The following SLC25A13 variants were observed in gnomAD, a reference collection of about 807,000 sequenced individuals.
SLC25A13 encodes solute carrier family 25 member 13.
SLC25A13 carries 70 observed loss-of-function variants against 85.5 expected under a neutral mutation model. That is an observed-to-expected ratio of 0.82 (90% CI 0.68 to 1.00). The LOEUF is 1.00. Ranked by LOEUF, SLC25A13 falls within the 50% of genes least tolerant of loss-of-function variation. The pLI is 0.00. For missense variants in SLC25A13, 765 were observed against 819.8 expected (o/e 0.93, Z 0.82); for synonymous variants, 259 against 288.7 (o/e 0.90, Z 1.04).
chr7:96,302,244 T>C (rs201383592), intron 1 of SLC25A13, among the ~76,000 whole-genome samples: 2 of 152,108 alleles, frequency 1.3e-5, no homozygotes, highest in East Asian at 3.9e-4. Flanking sequence ...GGGGAGAACA[T>C]GGCAAGAAGA....
chr7:96,240,140 A>G (rs1036833066), intron 3 of SLC25A13, among the ~76,000 whole-genome samples: 1 of 146,736 alleles, frequency 6.8e-6, no homozygotes, highest in African/African-American at 2.5e-5. Context: ...GAAATATAAT[A>G]GAGAATACAG....
intron 4 of SLC25A13, among the ~76,000 whole-genome samples, chr7:96,231,908 C>A (rs1414076578): frequency 1.3e-5 from 2 of 151,874 alleles, no homozygotes; most frequent in Non-Finnish European, 2.9e-5. Flanking sequence ...ATTAAAAAGT[C>A]AAAAAATAGC....
intron 13 of SLC25A13, among the ~76,000 whole-genome samples, chr7:96,159,152 T>A (rs1158289576): frequency 6.6e-6 from 1 of 152,228 alleles, no homozygotes; most frequent in Non-Finnish European, 1.5e-5. Flanking sequence ...TGTCGAGCTC[T>A]GAAGGGAAGT....
chr7:96,160,997 T>C (rs1793488164), intron 13 of SLC25A13, among the ~76,000 whole-genome samples: 1 of 151,742 alleles, frequency 6.6e-6, no homozygotes, highest in African/African-American at 2.4e-5. Flanking sequence ...TTTTTGGCTA[T>C]TAATTGGCTC....
intron 4 of SLC25A13, among the ~76,000 whole-genome samples, chr7:96,214,465 C>T (rs1235853160): frequency 6.6e-6 from 1 of 152,190 alleles, no homozygotes. Context: ...CAGTGGCCCA[C>T]GCCTGTAATC....
intron 4 of SLC25A13, among the ~76,000 whole-genome samples, chr7:96,214,525 G>A (rs990062621): frequency 8.5e-5 from 13 of 152,132 alleles, no homozygotes; most frequent in Non-Finnish European, 1.6e-4. Flanking sequence ...TCAGGAGTTC[G>A]AGACCAGCCT....
chr7:96,319,540 CAAAAAA>C (rs398005497), intron 1 of SLC25A13, among the ~76,000 whole-genome samples: 1 of 77,246 alleles, frequency 1.3e-5, no homozygotes, highest in Non-Finnish European at 2.5e-5. Flanking sequence ...GACTCCATCT[CAAAAAA>C]AAAAAAAAAA....
chr7:96,209,064 C>T (rs1382905084), intron 4 of SLC25A13, 87 bp from the exon 5 acceptor site: 2 of 1,344,854 alleles, frequency 1.5e-6, no homozygotes, highest in Non-Finnish European at 2.1e-6. Context: ...ATCGCTTTTT[C>T]TTATTAAAAA....
intron 1 of SLC25A13, among the ~76,000 whole-genome samples, chr7:96,304,340 C>T (rs922512439): frequency 1.3e-5 from 2 of 152,152 alleles, no homozygotes; most frequent in Non-Finnish European, 1.5e-5. Context: ...ATTACATCAG[C>T]GAGTCATTTC....
At chr7:96,275,629 A>G (rs1270905169) in intron 3 of SLC25A13, among the ~76,000 whole-genome samples, 2 of 152,134 alleles carry the variant, frequency 1.3e-5, no homozygotes, top group African/African-American at 2.4e-5. Context: ...GCAAACTATC[A>G]CAAGGACAAA....
intron 3 of SLC25A13, among the ~76,000 whole-genome samples, chr7:96,259,329 C>T (rs1225922482): frequency 6.6e-6 from 1 of 152,116 alleles, no homozygotes; most frequent in Non-Finnish European, 1.5e-5. Flanking sequence ...AAAGGACTAA[C>T]ATCCAGAATC....
At chr7:96,162,276 G>C (rs185964853) in intron 13 of SLC25A13, among the ~76,000 whole-genome samples, 1 of 151,912 alleles carries the variant, frequency 6.6e-6, no homozygotes, top group East Asian at 1.9e-4. Flanking sequence ...TTTGATATGA[G>C]TGAGTATGAA....
At chr7:96,127,144 T>C (rs1328231754) in intron 15 of SLC25A13, among the ~76,000 whole-genome samples, 1 of 152,240 alleles carries the variant, frequency 6.6e-6, no homozygotes, top group Non-Finnish European at 1.5e-5. Context: ...AATCATCTGG[T>C]ATGATAGAGC....
Position 96,308,449 on chromosome 7 carries a change from C to G in SLC25A13, c.16-11498G>C, listed in dbSNP as rs1799840694. Among the ~76,000 whole-genome samples, 2 of 152,230 alleles carry G rather than the reference C, an allele frequency of 1.3e-5. 1 individual carries two copies. Among genetic ancestry groups the G allele is most frequent in the South Asian group, 4.1e-4 (2 of 4,830 alleles). ...TTCAGGCTGAATTAGCAGCAGGTCT[C>G]TCTAGCTGATGATGTGGCACTAGTG... is the stretch of plus-strand genomic sequence containing the variant. On this transcript the variant is annotated intron_variant, in intron 1 of 17. Transcript: ENST00000265631.
In SLC25A13 at chr7:96,120,335, A is replaced by T. The variant is rs1396230932; in HGVS notation, c.*856T>A. On this transcript the variant is annotated 3_prime_UTR_variant, in exon 18 of 18. Transcript: ENST00000265631. ...ACATATTTGTCTTACATTATTCAAG[A>T]TAAAGTGGATTTTAAAAGCAAGTGG... 1 of 454,130 alleles carries T rather than the reference A, an allele frequency of 2.2e-6. No homozygotes were observed. Among genetic ancestry groups the T allele is most frequent in the Admixed American group, 2.3e-5 (1 of 42,582 alleles). 28.1% of individuals were successfully genotyped at this position (454,130 alleles called of 1,614,324 possible).
In SLC25A13 at chr7:96,306,750, C is replaced by T. The variant is rs1799759523; in HGVS notation, c.16-9799G>A. On this transcript the variant is annotated intron_variant, in intron 1 of 17. Coordinates refer to ENST00000265631, the MANE Select transcript of SLC25A13 (RefSeq NM_014251.3). ...CTTCTCTTTTGTGCCCTTCATCCCTCTGCATTTTGTTCTTTTTGCCCTCTG... is the reference window on the plus strand; with the variant it reads ...CTTCTCTTTTGTGCCCTTCATCCCTTTGCATTTTGTTCTTTTTGCCCTCTG... 3.5e-6 allele frequency: 4 copies of T among 1,140,140 alleles called. No homozygotes were observed. In the East Asian group the frequency reaches 9.6e-5, roughly 27 times the overall value. 70.6% of individuals were successfully genotyped at this position (1,140,140 alleles called of 1,614,324 possible).
At chr7:96,266,359 T>C (rs1334270162) in intron 3 of SLC25A13, among the ~76,000 whole-genome samples, 1 of 152,178 alleles carries the variant, frequency 6.6e-6, no homozygotes, top group Admixed American at 6.5e-5. Flanking sequence ...TCCTACATTG[T>C]CAATCTTATC....
chr7:96,128,971 TC>T (rs1242419537), intron 15 of SLC25A13, among the ~76,000 whole-genome samples: 1 of 150,342 alleles, frequency 6.7e-6, no homozygotes, highest in African/African-American at 2.4e-5. Flanking sequence ...TCTCTCTCTC[TC>T]TCTCTCTCTC....
intron 14 of SLC25A13, among the ~76,000 whole-genome samples, chr7:96,132,608 G>C (rs1033535376): frequency 9.2e-5 from 14 of 152,190 alleles, no homozygotes; most frequent in Middle Eastern, 3.2e-3. Context: ...CCCGCGAATT[G>C]ATGAGTGCCC....
Sources: gnomAD v4.1 joint callset for allele counts (sites outside exome capture counted in the v4.1 genomes callset) on GRCh38, gnomAD v4.1.1 for gene constraint, MANE v1.5 for transcripts, NCBI Gene and HGNC (gene_info 2026-07-23, HGNC 2026-07-21) for gene names.